Variants in MXRA5 observed in about 807,000 individuals in gnomAD.
The protein encoded by MXRA5 is matrix-remodeling-associated protein 5.
In MXRA5, 41 loss-of-function variants were observed where a neutral mutation model predicts 112.5. The observed-to-expected ratio is 0.36, with a 90% CI of 0.28 to 0.47. MXRA5 has a LOEUF of 0.47. Ranked by LOEUF, MXRA5 falls within the 20% of genes least tolerant of loss-of-function variation. The pLI, the probability that MXRA5 is intolerant of heterozygous loss-of-function variation, is 0.99. For synonymous variants in MXRA5, 862 were observed against 900.8 expected, an observed-to-expected ratio of 0.96 and a Z score of 0.77; for missense variants, 2,150 against 2,251.0, an observed-to-expected ratio of 0.96 and a Z score of 0.91.
chrX:3,322,129 G>C lies in MXRA5; in HGVS notation c.3556C>G (p.Gln1186Glu), dbSNP rs772822278. The C allele has an allele frequency of 8.3e-7, 1 of 1,203,284 alleles. No homozygotes were observed. Among genetic ancestry groups the C allele is most frequent in the Non-Finnish European group, 1.1e-6 (1 of 890,919 alleles). ...CTTGAAATCTTAATGTCAGGTGCTTGAGTTGGTTGAGTAGAAAAAGTCTCT... is the reference window on the plus strand; with the variant it reads ...CTTGAAATCTTAATGTCAGGTGCTTCAGTTGGTTGAGTAGAAAAAGTCTCT... ...PSETFSTQPT[Q>E]APDIKISSQV... The change falls in exon 5 of 7, where the codon CAA becomes GAA. Residue 1186 changes from glutamine (Q) to glutamate (E), a missense_variant. Gln to Glu is a conservative substitution (Grantham distance 29, BLOSUM62 2). Transcript: ENST00000217939.
intron 3 of MXRA5, 75 bp downstream of exon 3, chrX:3,330,569 T>A (rs1272633206): frequency 3.5e-6 from 4 of 1,158,746 alleles, no homozygotes; most frequent in African/African-American, 1.8e-5. Context: ...TTAAGGAGAA[T>A]GACATAATTT....
intron 4 of MXRA5, among the ~76,000 whole-genome samples, chrX:3,326,319 A>G (rs1411250350): frequency 6.4e-5 from 6 of 93,366 alleles, no homozygotes; most frequent in Non-Finnish European, 8.3e-5. Flanking sequence ...TAATTTGTAT[A>G]TAATCAATAT....
At chrX:3,328,587 G>A (rs1178571280) in intron 4 of MXRA5, among the ~76,000 whole-genome samples, 1 of 111,082 alleles carries the variant, frequency 9.0e-6, no homozygotes, top group Non-Finnish European at 1.9e-5. Flanking sequence ...AAGGACATGG[G>A]GACACTTGTT....
intron 2 of MXRA5, 41 bp downstream of exon 2, chrX:3,343,605 G>A (rs374679302): frequency 8.7e-6 from 10 of 1,148,109 alleles, no homozygotes; most frequent in South Asian, 7.5e-5. Context: ...CAAGACGCAC[G>A]CACTGACAGT....
rs781137381 is a variant in MXRA5, at chrX:3,323,987, C to T, written c.1698G>A (p.Met566Ile). ...IAQVRDEMDR[M>I]VYRVLVQSPS... The stretch of plus-strand genomic sequence containing the variant: ...GAGACTGCACAAGTACCCTATATAC[C>T]ATGCGGTCCATTTCATCCCTCACTT... The change falls in exon 5 of 7, where the codon ATG becomes ATA. Residue 566 changes from methionine to isoleucine, a missense_variant. Coordinates refer to ENST00000217939, the MANE Select transcript of MXRA5 (RefSeq NM_015419.4). 4 of 1,202,780 alleles carry T rather than the reference C, an allele frequency of 3.3e-6. No homozygotes were observed. The Admixed American group carries it at 6.6e-5, about 20-fold the overall frequency.
In MXRA5 at chrX:3,311,552, T is replaced by C; in HGVS notation, c.6651A>G (p.Gly2217=). The stretch of plus-strand genomic sequence containing the variant: ...TATTTCGAGCTACGCACAGGTAATC[T>C]CCGGCATCTTTGTCCGTCACTGATT... The part of the protein sequence containing the change: ...VVKSVTDKDA[G]DYLCVARNKV... Residue 2217 remains glycine, a synonymous_variant, in exon 7 of 7, where the codon GGA becomes GGG. Coordinates refer to ENST00000217939, the MANE Select transcript of MXRA5 (RefSeq NM_015419.4). The C allele has an allele frequency of 8.3e-7, 1 of 1,211,843 alleles. No individual in the cohort carries two copies. Among genetic ancestry groups the C allele is most frequent in the African/African-American group, 1.7e-5 (1 of 57,885 alleles).
Position 3,343,761 on chromosome X carries a change from G to A in MXRA5, c.73C>T (p.Leu25=). The A allele has an allele frequency of 8.3e-7, 1 of 1,211,222 alleles. No individual in the cohort carries two copies. Among genetic ancestry groups the A allele is most frequent in the Non-Finnish European group, 1.1e-6 (1 of 895,292 alleles). The part of the protein sequence containing the change: ...ILLWGHPRVA[L]ACPHPCACYV... The stretch of plus-strand genomic sequence containing the variant: ...CAGGCACAAGGATGCGGGCAGGCCA[G>A]CGCCACTCGCGGATGGCCCCAAAGC... The change falls in exon 2 of 7, where the codon CTG becomes TTG. Residue 25 remains leucine (L), a synonymous_variant. Transcript: ENST00000217939.
chrX:3,309,393 T>C lies in MXRA5; in HGVS notation c.*323A>G, dbSNP rs1478438418. The C allele has an allele frequency of 4.0e-6, 1 of 252,894 alleles. No individual in the cohort carries two copies. The highest frequency in any genetic ancestry group is 7.0e-6 in the Non-Finnish European group (1 of 142,462). The allele number at this position is 252,894 out of a possible 1,213,427, so 20.8% of individuals were successfully genotyped here. On this transcript the variant is annotated 3_prime_UTR_variant, in exon 7 of 7. Transcript: ENST00000217939. ...ATTTTTGATGAATGTTCCTCAGATA[T>C]CCTATGGACGCTTATGAAGGCAGTC...
Position 3,317,425 on chromosome X carries a change from C to T in MXRA5, c.6256G>A (p.Gly2086Ser), listed in dbSNP as rs201160511. Residue 2086 changes from glycine to serine, a missense_variant, in exon 6 of 7, where the codon GGT (glycine) becomes AGT (serine). Gly to Ser is a moderately conservative substitution (Grantham distance 56). This residue lies in a region of MXRA5 where 1,485 missense variants were observed against 1,471.6 expected (regional missense o/e 1.01). Transcript: ENST00000217939. ...LPSVRWVLGD[G>S]TQIRPSQFLH... Reference sequence around the variant, plus strand: ...AACTGCGAGGGGCGGATCTGGGTACCGTCCCCGAGCACCCAGCGCACGCTG... The same window carrying T: ...AACTGCGAGGGGCGGATCTGGGTACTGTCCCCGAGCACCCAGCGCACGCTG... The T allele has an allele frequency of 7.5e-6, 9 of 1,199,958 alleles. No individual in the cohort carries two copies. Among genetic ancestry groups the T allele is most frequent in the South Asian group, 1.8e-5 (1 of 55,355 alleles).
rs774075146 is a variant in MXRA5 at position 3,320,854 on chromosome X, T to C, written c.4831A>G (p.Lys1611Glu). Residue 1611 changes from lysine to glutamate, a missense_variant, in exon 5 of 7, where the codon AAA becomes GAA. Transcript: ENST00000217939. The stretch of plus-strand genomic sequence containing the variant: ...ACTGTTGCTGTTGGTAGGATGGGTT[T>C]GGCAGGGACTCTGGTTAGTTGATGA... ...ASHQLTRVPAKPILPTATVRL... is the reference protein window; with the variant it reads ...ASHQLTRVPAEPILPTATVRL... 76 of 1,210,281 alleles carry C rather than the reference T, an allele frequency of 6.3e-5. No homozygotes were observed. Among genetic ancestry groups the C allele is most frequent in the Non-Finnish European group, 8.2e-5 (73 of 895,352 alleles).
intron 4 of MXRA5, among the ~76,000 whole-genome samples, chrX:3,325,204 T>C (rs1401593158): frequency 9.0e-6 from 1 of 111,408 alleles, no homozygotes; most frequent in African/African-American, 3.3e-5. Flanking sequence ...TTAATAATAA[T>C]TTTTACTTAA....
At chrX:3,326,037 T>G (rs1350197686) in intron 4 of MXRA5, among the ~76,000 whole-genome samples, 2 of 61,196 alleles carry the variant, frequency 3.3e-5, no homozygotes, top group African/African-American at 1.5e-4. Flanking sequence ...ATATATAAAT[T>G]TATATATAAA....
chrX:3,340,357 T>A (rs1390530362), intron 2 of MXRA5, among the ~76,000 whole-genome samples: 1 of 111,778 alleles, frequency 8.9e-6, no homozygotes, highest in East Asian at 2.8e-4. Flanking sequence ...CCCAACAAAA[T>A]GCAAGATGCC....
Position 3,323,903 on chromosome X carries a change from C to T in MXRA5, c.1782G>A (p.Ser594=), listed in dbSNP as rs756203907. Residue 594 remains serine (S), a synonymous_variant, in exon 5 of 7, where the codon TCG becomes TCA. Coordinates refer to ENST00000217939, the MANE Select transcript of MXRA5 (RefSeq NM_015419.4). ...TVTIGKNPGE[S]VTLPCNALAI... is the part of the protein sequence containing the mutation. The stretch of plus-strand genomic sequence containing the variant: ...CTAAAGCATTGCAAGGCAATGTCAC[C>T]GACTCCCCTGGGTTCTTGCCAATTG... The T allele has an allele frequency of 2.4e-5, 29 of 1,205,347 alleles. No individual in the cohort carries two copies. The highest frequency in any genetic ancestry group is 2.3e-4 in the Middle Eastern group (1 of 4,352).
intron 2 of MXRA5, among the ~76,000 whole-genome samples, chrX:3,337,027 G>C (rs1921799730): frequency 8.9e-6 from 1 of 111,896 alleles, no homozygotes; most frequent in African/African-American, 3.2e-5. Context: ...TAATGAAAAA[G>C]ATCATTTCAG....
At chrX:3,315,948 A>T (rs1306511125) in intron 6 of MXRA5, among the ~76,000 whole-genome samples, 1 of 103,918 alleles carries the variant, frequency 9.6e-6, no homozygotes, top group Non-Finnish European at 1.9e-5. Flanking sequence ...TGGTTCATTT[A>T]TCCTTTTTTC....
In MXRA5 at chrX:3,324,514, G is replaced by A; in HGVS notation, c.1171C>T (p.Leu391=). The change falls in exon 5 of 7, where the codon CTA becomes TTA. Residue 391 remains leucine, a synonymous_variant. Transcript: ENST00000217939. The part of the protein sequence containing the change: ...IAYYSEVPVK[L]HRELMLSKDP... ...TTGCTGAGCATGAGCTCTCTGTGTA[G>A]CTTCACGGGAACTTCACTGTAGTAT... The A allele has an allele frequency of 8.3e-7, 1 of 1,211,371 alleles. No individual in the cohort carries two copies. Among genetic ancestry groups the A allele is most frequent in the Non-Finnish European group, 1.1e-6 (1 of 895,459 alleles).
intron 2 of MXRA5, among the ~76,000 whole-genome samples, chrX:3,331,612 A>G (rs1921664828): frequency 8.9e-6 from 1 of 112,408 alleles, no homozygotes; most frequent in Admixed American, 9.4e-5. Flanking sequence ...TTTCCCATGG[A>G]CAGGCTGCCA....
At chrX:3,332,860 T>C (rs188426756) in intron 2 of MXRA5, among the ~76,000 whole-genome samples, 2 of 111,957 alleles carry the variant, frequency 1.8e-5, no homozygotes, top group Non-Finnish European at 3.8e-5. Flanking sequence ...CTCATAGCTA[T>C]GTGTGTACCT....
Sources: gnomAD v4.1 joint callset for allele counts (sites outside exome capture counted in the v4.1 genomes callset) on GRCh38, gnomAD v4.1.1 for gene constraint, gnomAD v4.1.1 regional missense constraint, MANE v1.5 for transcripts, NCBI Gene and HGNC (gene_info 2026-07-23, HGNC 2026-07-21) for gene names.